Variants in GRM7 observed in about 807,000 individuals in gnomAD.
GRM7 encodes the protein metabotropic glutamate receptor 7.
GRM7 carries 35 observed loss-of-function variants against 84.5 expected under a neutral mutation model. That is an observed-to-expected ratio of 0.41 (90% CI 0.32 to 0.55). The LOEUF is 0.55. Among genes scored for constraint, GRM7 ranks in the 20% least tolerant of loss-of-function variants. The probability of loss-of-function intolerance (pLI) is 0.19; values close to 1 mark genes in which losing one functional copy is unlikely to be tolerated. For synonymous variants in GRM7, 487 were observed against 455.1 expected (o/e 1.07, Z -0.89); for missense variants, 1,003 against 1,194.6 (o/e 0.84, Z 2.36).
intron 7 of GRM7, among the ~76,000 whole-genome samples, chr3:7,488,888 T>TA (rs1559357492): frequency 2.0e-5 from 3 of 151,844 alleles, no homozygotes; most frequent in East Asian, 1.9e-4. Flanking sequence ...TTTATTTATT[T>TA]TTGGAAGAAG....
At chr3:7,604,811 A>G (rs1696485055) in intron 8 of GRM7, among the ~76,000 whole-genome samples, 1 of 152,208 alleles carries the variant, frequency 6.6e-6, no homozygotes, top group Non-Finnish European at 1.5e-5. Context: ...AATTGAAGGT[A>G]GGAGAGTCCA....
intron 2 of GRM7, among the ~76,000 whole-genome samples, chr3:7,210,910 G>T: frequency 6.6e-6 from 1 of 151,932 alleles, no homozygotes; most frequent in South Asian, 2.1e-4. Context: ...ATAAAATGGG[G>T]ACTACCCAAT....
intron 1 of GRM7, among the ~76,000 whole-genome samples, chr3:7,108,658 T>G (rs2125030849): frequency 6.6e-6 from 1 of 152,164 alleles, no homozygotes; most frequent in East Asian, 1.9e-4. Context: ...ATTTGACATC[T>G]TACACCACAC....
chr3:7,021,054 T>C (rs962028940), intron 1 of GRM7, among the ~76,000 whole-genome samples: 2 of 152,170 alleles, frequency 1.3e-5, no homozygotes, highest in Non-Finnish European at 1.5e-5. Flanking sequence ...TGCCAGATTA[T>C]GTTTTCTATA....
chr3:7,399,062 C>A (rs774979628), intron 4 of GRM7, among the ~76,000 whole-genome samples: 12 of 151,946 alleles, frequency 7.9e-5, no homozygotes, highest in Non-Finnish European at 1.6e-4. Flanking sequence ...TAGGCATTTT[C>A]TTGGCTTCTG....
chr3:6,935,902 G>C (rs1436315332), intron 1 of GRM7, among the ~76,000 whole-genome samples: 1 of 151,932 alleles, frequency 6.6e-6, no homozygotes, highest in African/African-American at 2.4e-5. Flanking sequence ...CACCATGTTG[G>C]CCAGCCATGT....
At chr3:7,572,720 G>T (rs185773147) in intron 7 of GRM7, among the ~76,000 whole-genome samples, 24 of 149,768 alleles carry the variant, frequency 1.6e-4, no homozygotes, top group African/African-American at 5.7e-4. Flanking sequence ...TACTCAGGAG[G>T]CTGAGGCAGG....
intron 8 of GRM7, among the ~76,000 whole-genome samples, chr3:7,601,834 G>A (rs1696327183): frequency 6.6e-6 from 1 of 152,058 alleles, no homozygotes; most frequent in African/African-American, 2.4e-5. Flanking sequence ...TATCCTGTCA[G>A]TTTCCTTGAG....
intron 2 of GRM7, 115 bp downstream of exon 2, chr3:7,146,783 T>A: frequency 1.4e-6 from 1 of 713,010 alleles, no homozygotes; most frequent in Non-Finnish European, 2.4e-6. Flanking sequence ...CAGAGTCCTG[T>A]GAAGTACACC....
chr3:7,015,425 T>C (rs1695529512), intron 1 of GRM7, among the ~76,000 whole-genome samples: 1 of 152,204 alleles, frequency 6.6e-6, no homozygotes, highest in Middle Eastern at 3.2e-3. Flanking sequence ...GATTAATGCA[T>C]GCTATGACAG....
chr3:7,336,970 CA>C (rs1701445475), intron 4 of GRM7, among the ~76,000 whole-genome samples: 1 of 152,020 alleles, frequency 6.6e-6, no homozygotes. Flanking sequence ...ACCATACTGC[CA>C]AAAGCAATCT....
chr3:7,603,592 A>G (rs1159443105), intron 8 of GRM7, among the ~76,000 whole-genome samples: 1 of 152,130 alleles, frequency 6.6e-6, no homozygotes, highest in Non-Finnish European at 1.5e-5. Context: ...CTATAACACT[A>G]TCACCTTCAA....
At position 7,273,566 on chromosome 3, in the gene GRM7, T is replaced by G. The variant is rs536950762; in HGVS notation, c.737-25118T>G. ...TAGGTACATACACATTATGTATTGTTATGTCTTTATGGAGAGCTGATTCCT... is the reference window on the plus strand; with the variant it reads ...TAGGTACATACACATTATGTATTGTGATGTCTTTATGGAGAGCTGATTCCT... On this transcript the variant is annotated intron_variant, in intron 2 of 9. Transcript: ENST00000357716. Among the ~76,000 whole-genome samples, 3 of 152,230 alleles carry G rather than the reference T, an allele frequency of 2.0e-5. No individual in the cohort carries two copies. In the South Asian group the frequency reaches 6.2e-4, roughly 32 times the overall value.
chr3:7,717,319 A>G (rs1402458531), intron 9 of GRM7, among the ~76,000 whole-genome samples: 1 of 152,188 alleles, frequency 6.6e-6, no homozygotes, highest in Non-Finnish European at 1.5e-5. Context: ...AGACAGAACC[A>G]CAGCACAACC....
intron 2 of GRM7, among the ~76,000 whole-genome samples, chr3:7,257,710 T>G (rs954352911): frequency 6.6e-6 from 1 of 152,190 alleles, no homozygotes; most frequent in Admixed American, 6.5e-5. Context: ...TGCTACACCT[T>G]TCCTAACAGC....
chr3:7,673,339 T>G (rs1700000276), intron 8 of GRM7, among the ~76,000 whole-genome samples: 1 of 152,218 alleles, frequency 6.6e-6, no homozygotes, highest in South Asian at 2.1e-4. Flanking sequence ...TTCACCAGAA[T>G]TTCATAAGTG....
chr3:7,585,002 A>G (rs1390673276), intron 8 of GRM7, among the ~76,000 whole-genome samples: 2 of 152,196 alleles, frequency 1.3e-5, no homozygotes, highest in African/African-American at 4.8e-5. Flanking sequence ...ACATACACAC[A>G]TTTACACACA....
At chr3:6,970,231 A>G (rs1189032595) in intron 1 of GRM7, among the ~76,000 whole-genome samples, 1 of 87,172 alleles carries the variant, frequency 1.1e-5, no homozygotes, top group African/African-American at 4.3e-5. Context: ...CTTCCGATCT[A>G]CAGGTTGCAG....
intron 4 of GRM7, among the ~76,000 whole-genome samples, chr3:7,412,639 ATGT>A (rs539214980): frequency 2.0e-4 from 31 of 152,218 alleles, no homozygotes; most frequent in Middle Eastern, 3.4e-3. Flanking sequence ...CATTTTCTCT[ATGT>A]TGTTCTAAGT....
Sources: gnomAD v4.1 joint callset for allele counts (sites outside exome capture counted in the v4.1 genomes callset) on GRCh38, gnomAD v4.1.1 for gene constraint, MANE v1.5 for transcripts, NCBI Gene and HGNC (gene_info 2026-07-23, HGNC 2026-07-21) for gene names.